The following PCDH9 variants were observed in gnomAD, a reference collection of about 807,000 sequenced individuals.
PCDH9 encodes the protein protocadherin 9.
Under a neutral mutation model 70.6 loss-of-function variants are expected in PCDH9, and 24 were observed. The ratio of observed to expected loss-of-function variants is 0.34; its 90% CI spans 0.25 to 0.48. PCDH9 has a LOEUF of 0.48. Ranked by LOEUF, PCDH9 falls within the 20% of genes least tolerant of loss-of-function variation. The pLI is 0.99. For synonymous variants in PCDH9, 562 were observed against 558.5 expected, an observed-to-expected ratio of 1.01 and a Z score of -0.09; for missense variants, 1,281 against 1,503.6, an observed-to-expected ratio of 0.85 and a Z score of 2.45.
chr13:66,440,436 A>AT (rs1402440011), intron 4 of PCDH9, among the ~76,000 whole-genome samples: 2 of 152,114 alleles, frequency 1.3e-5, no homozygotes, highest in African/African-American at 4.8e-5. Context: ...TTGGCTGGAC[A>AT]TTTCAAGTGT....
chr13:66,307,356 A>G (rs559720629), intron 4 of PCDH9, among the ~76,000 whole-genome samples: 49 of 152,184 alleles, frequency 3.2e-4, no homozygotes, highest in Non-Finnish European at 5.6e-4. Flanking sequence ...TGAGGTTGAA[A>G]ATGTTCTGAG....
intron 4 of PCDH9, among the ~76,000 whole-genome samples, chr13:66,496,831 A>C (rs561274775): frequency 6.6e-6 from 1 of 152,204 alleles, no homozygotes; most frequent in Non-Finnish European, 1.5e-5. Flanking sequence ...CAAAAAAGAA[A>C]AGGGTTTTTT....
chr13:67,111,751 GA>G (rs1337588172), intron 2 of PCDH9, among the ~76,000 whole-genome samples: 1 of 152,118 alleles, frequency 6.6e-6, no homozygotes, highest in Admixed American at 6.6e-5. Flanking sequence ...CAGTGGAACC[GA>G]AGACAAAATG....
At chr13:66,372,855 T>G (rs1956681417) in intron 4 of PCDH9, among the ~76,000 whole-genome samples, 2 of 151,920 alleles carry the variant, frequency 1.3e-5, no homozygotes, top group African/African-American at 4.8e-5. Flanking sequence ...TTTAGCCTGG[T>G]GCCTAGGGTG....
intron 2 of PCDH9, among the ~76,000 whole-genome samples, chr13:67,124,874 C>T (rs1434538473): frequency 6.6e-6 from 1 of 150,988 alleles, no homozygotes; most frequent in Non-Finnish European, 1.5e-5. Flanking sequence ...CTAACACTTA[C>T]CCATGGTTAC....
At chr13:66,443,086 T>C (rs1195857046) in intron 4 of PCDH9, among the ~76,000 whole-genome samples, 1 of 152,208 alleles carries the variant, frequency 6.6e-6, no homozygotes, top group African/African-American at 2.4e-5. Context: ...AGGGGCTAAC[T>C]GCACACATCA....
At chr13:66,848,683 C>G (rs889694707) in intron 3 of PCDH9, among the ~76,000 whole-genome samples, 4 of 151,994 alleles carry the variant, frequency 2.6e-5, no homozygotes, top group Non-Finnish European at 5.9e-5. Flanking sequence ...AATCCCAGCA[C>G]TCTGGGAGGC....
At position 67,125,509 on chromosome 13, in the gene PCDH9, A is replaced by G. The variant is rs1008833001; in HGVS notation, c.3036+99896T>C. Among the ~76,000 whole-genome samples, 4 of 152,150 alleles carry G rather than the reference A, an allele frequency of 2.6e-5. No homozygotes were observed. In the South Asian group the frequency reaches 6.2e-4, roughly 24 times the overall value. On this transcript the variant is annotated intron_variant, in intron 2 of 4. Transcript: ENST00000377865. The stretch of plus-strand genomic sequence containing the variant: ...GTTACAGAAATATTAAGCTACAGAA[A>G]AATCACAGCATAATTATGAACATGG...
chr13:66,769,388 G>T (rs2079768476), intron 3 of PCDH9, among the ~76,000 whole-genome samples: 1 of 151,860 alleles, frequency 6.6e-6, no homozygotes, highest in Non-Finnish European at 1.5e-5. Flanking sequence ...CTTAAATTGG[G>T]TATAGCACTA....
At chr13:66,395,844 T>C (rs548459170) in intron 4 of PCDH9, among the ~76,000 whole-genome samples, 13 of 152,342 alleles carry the variant, frequency 8.5e-5, no homozygotes, top group African/African-American at 3.1e-4. Flanking sequence ...TTTTTTGTGC[T>C]GTATTCTGAT....
intron 3 of PCDH9, among the ~76,000 whole-genome samples, chr13:66,860,975 T>C (rs2081473559): frequency 6.6e-6 from 1 of 152,224 alleles, no homozygotes; most frequent in South Asian, 2.1e-4. Flanking sequence ...TATGAGCCAA[T>C]GCACTAATTT....
At chr13:66,470,178 C>T (rs1431943280) in intron 4 of PCDH9, among the ~76,000 whole-genome samples, 5 of 152,076 alleles carry the variant, frequency 3.3e-5, no homozygotes, top group African/African-American at 1.2e-4. Context: ...TACGACATGA[C>T]CTTCCTTGCT....
intron 2 of PCDH9, among the ~76,000 whole-genome samples, chr13:67,045,428 G>C (rs1594435932): frequency 6.6e-6 from 1 of 151,846 alleles, no homozygotes; most frequent in African/African-American, 2.4e-5. Flanking sequence ...CACGTGTCTA[G>C]CCAATTATAC....
At chr13:67,084,563 G>A (rs988324034) in intron 2 of PCDH9, among the ~76,000 whole-genome samples, 7 of 152,016 alleles carry the variant, frequency 4.6e-5, no homozygotes, top group African/African-American at 1.7e-4. Context: ...AAGTTGCCTG[G>A]ACTTCCTTGC....
At chr13:66,423,570 C>G (rs545471078) in intron 4 of PCDH9, among the ~76,000 whole-genome samples, 1 of 152,052 alleles carries the variant, frequency 6.6e-6, no homozygotes, top group Admixed American at 6.6e-5. Flanking sequence ...GAACCAATGA[C>G]AAAAGCCACA....
chr13:66,502,886 AG>A (rs1164753860), intron 4 of PCDH9, among the ~76,000 whole-genome samples: 1 of 152,194 alleles, frequency 6.6e-6, no homozygotes, highest in African/African-American at 2.4e-5. Flanking sequence ...TGCAAGACCA[AG>A]GAGAAATTTA....
rs573133570 is a variant in PCDH9, at chr13:66,455,122, CCAATTCAATTGTAAGTTTCATAATT to C, written c.3341-150119_3341-150095del. On this transcript the variant is annotated intron_variant, in intron 4 of 4. Coordinates refer to ENST00000377865, the MANE Select transcript of PCDH9 (RefSeq NM_203487.3). ...AAGTCTAGGTAAAACCATCACCTAG[CCAATTCAATTGTAAGTTTCATAATT>C]CAATCATAAAACAATAAAACCTTTT... 1.1e-4 allele frequency among the ~76,000 whole-genome samples: 16 copies of C among 152,048 alleles called. No homozygotes were observed. In the South Asian group the frequency reaches 3.3e-3, roughly 32 times the overall value.
intron 3 of PCDH9, among the ~76,000 whole-genome samples, chr13:66,757,701 C>T (rs1295895450): frequency 3.3e-5 from 5 of 152,050 alleles, no homozygotes; most frequent in Admixed American, 3.3e-4. Context: ...CTTCTGACTA[C>T]TATAGAAATA....
chr13:67,214,752 TGAACA>T (rs916271507), intron 2 of PCDH9: 1 of 151,444 alleles, frequency 6.6e-6, no homozygotes, highest in African/African-American at 2.4e-5. Flanking sequence ...CAAAAGCAGA[TGAACA>T]CAGGTGAGTC....
Sources: gnomAD v4.1 joint callset for allele counts (sites outside exome capture counted in the v4.1 genomes callset) on GRCh38, gnomAD v4.1.1 for gene constraint, MANE v1.5 for transcripts, NCBI Gene and HGNC (gene_info 2026-07-23, HGNC 2026-07-21) for gene names.